Variants in STK36 observed in about 807,000 individuals in gnomAD.
STK36 encodes the protein serine/threonine-protein kinase 36.
In STK36, 116 loss-of-function variants were observed where a neutral mutation model predicts 142.2. The ratio of observed to expected loss-of-function variants is 0.82; its 90% CI spans 0.70 to 0.95. The LOEUF is 0.95. Among genes scored for constraint, STK36 ranks in the 40% least tolerant of loss-of-function variants. The probability of loss-of-function intolerance (pLI) is 0.00; values close to 1 mark genes in which losing one functional copy is unlikely to be tolerated. For synonymous variants in STK36, 619 were observed against 641.7 expected (o/e 0.96, Z 0.53); for missense variants, 1,422 against 1,617.2 (o/e 0.88, Z 2.07).
rs370881832 is a variant in STK36, at chr2:218,694,318, C to G, written c.2391C>G (p.Val797=). ...VATLFTHSHV[V]SLVSAAACLL... is the part of the protein sequence containing the mutation. Reference sequence around the variant, plus strand: ...CTCTCTTTACCCATTCGCATGTCGTCTCTCTTGTGGTAAGTTTTTAACCTT... The same window carrying G: ...CTCTCTTTACCCATTCGCATGTCGTGTCTCTTGTGGTAAGTTTTTAACCTT... Residue 797 remains valine, a synonymous_variant, in exon 20 of 27, where the codon GTC becomes GTG. Transcript: ENST00000295709. The surrounding 1 kb of genome is among the most constrained non-coding windows in gnomAD (Gnocchi z 4.4). The G allele has an allele frequency of 3.7e-6, 6 of 1,614,078 alleles. No individual in the cohort carries two copies. The highest frequency in any genetic ancestry group is 5.1e-6 in the Non-Finnish European group (6 of 1,179,892).
intron 24 of STK36, 33 bp from the exon 25 acceptor site, chr2:218,697,821 A>G (rs2106366370): frequency 6.2e-7 from 1 of 1,614,034 alleles, no homozygotes; most frequent in South Asian, 1.1e-5. Flanking sequence ...TTAAGTGAAC[A>G]AGACCAAGTC....
In STK36 at chr2:218,701,982, C is replaced by T. The variant is rs760323566; in HGVS notation, c.3921C>T (p.His1307=). The change falls in exon 27 of 27, where the codon CAC becomes CAT. Residue 1307 remains histidine (H), a synonymous_variant. Transcript: ENST00000295709. ...CCAAACACTGCAGGAAACTCATTCA[C>T]CTCCTGAGGCCAGCCCATAGCATGT... ...ASAKHCRKLI[H]LLRPAHSM is the part of the protein sequence containing the mutation. 16 of 1,614,154 alleles carry T rather than the reference C, an allele frequency of 9.9e-6. No homozygotes were observed. Among genetic ancestry groups the T allele is most frequent in the Admixed American group, 6.7e-5 (4 of 60,014 alleles).
At position 218,673,766 on chromosome 2, in the gene STK36, G is replaced by A; in HGVS notation, c.225+1G>A. On this transcript the variant is annotated splice_donor_variant, in intron 3 of 26. Transcript: ENST00000295709. LOFTEE classifies it high-confidence loss of function. ...TGACAGCTTTGAAACTGATAAAGAG[G>A]TGTGCTTTGACAGTTTTGGGCCCTG... is the stretch of plus-strand genomic sequence containing the variant. The A allele has an allele frequency of 6.2e-7, 1 of 1,613,898 alleles. No individual in the cohort carries two copies. The highest frequency in any genetic ancestry group is 8.5e-7 in the Non-Finnish European group (1 of 1,179,828).
Position 218,694,119 on chromosome 2 carries a change from A to G in STK36, c.2336+136A>G. 1.7e-6 allele frequency: 2 copies of G among 1,182,068 alleles called. No homozygotes were observed. The highest frequency in any genetic ancestry group is 2.5e-6 in the Non-Finnish European group (2 of 797,752). The allele number at this position is 1,182,068 out of a possible 1,614,324, so 73.2% of individuals were successfully genotyped here. On this transcript the variant is annotated intron_variant, in intron 19 of 26. Transcript: ENST00000295709. This position sits in a 1 kb window ranked among gnomAD's most constrained non-coding sequence, Gnocchi z 4.4. Reference sequence around the variant, plus strand: ...TAGAGAGCGTGAAGCTTTCTCTACAAAGAACAGACCTAGACTCCCATCAAC... The same window carrying G: ...TAGAGAGCGTGAAGCTTTCTCTACAGAGAACAGACCTAGACTCCCATCAAC...
intron 7 of STK36, 43 bp downstream of exon 7, chr2:218,679,304 T>C: frequency 6.3e-7 from 1 of 1,575,316 alleles, no homozygotes; most frequent in Non-Finnish European, 8.7e-7. Context: ...TTCCCAGTAC[T>C]TCCTCTAAAC....
At position 218,701,360 on chromosome 2, in the gene STK36, T is replaced by G. The variant is rs564658633; in HGVS notation, c.3805-506T>G. Among the ~76,000 whole-genome samples the G allele has an allele frequency of 3.9e-5, 6 of 151,952 alleles. No individual in the cohort carries two copies. The South Asian group carries it at 1.2e-3, about 32-fold the overall frequency. On this transcript the variant is annotated intron_variant, in intron 26 of 26. Coordinates refer to ENST00000295709, the MANE Select transcript of STK36 (RefSeq NM_015690.5). ...TTTCACCGTGATAGCCAGGATGGTC[T>G]CGATGTCCTGACCTCGTGACCCGCC... is the stretch of plus-strand genomic sequence containing the variant.
At chr2:218,699,570 A>C (rs925794597) in intron 26 of STK36, among the ~76,000 whole-genome samples, 1 of 152,120 alleles carries the variant, frequency 6.6e-6, no homozygotes, top group Non-Finnish European at 1.5e-5. Context: ...AATGTCTGAG[A>C]TCTCAAGGAC....
Position 218,673,697 on chromosome 2 carries a change from G to T in STK36, c.157G>T (p.Glu53Ter), listed in dbSNP as rs752655945. 1.2e-6 allele frequency: 2 copies of T among 1,614,194 alleles called. No homozygotes were observed. The highest frequency in any genetic ancestry group is 2.2e-5 in the South Asian group (2 of 91,082). Reference sequence around the variant, plus strand: ...GCTGAGGAATTTGCAACGAGAGATTGAAATAATGCGGGGTCTGCGGCATCC... The same window carrying T: ...GCTGAGGAATTTGCAACGAGAGATTTAAATAATGCGGGGTCTGCGGCATCC... Reference protein sequence around the residue: ...KELRNLQREIEIMRGLRHPNI... With the variant: ...KELRNLQREI The change falls in exon 3 of 27, where the codon GAA (glutamate) becomes TAA (stop). Residue 53 changes from glutamate to a stop codon, truncating the protein, a stop_gained. Coordinates refer to ENST00000295709, the MANE Select transcript of STK36 (RefSeq NM_015690.5). LOFTEE classifies it high-confidence loss of function.
chr2:218,686,059 C>T (rs1360962803), intron 11 of STK36, among the ~76,000 whole-genome samples: 1 of 151,840 alleles, frequency 6.6e-6, no homozygotes, highest in Non-Finnish European at 1.5e-5. Flanking sequence ...CTGCCTCAGC[C>T]TCTGGAGTGA....
At chr2:218,690,067 A>G (rs1940936612) in intron 13 of STK36, 111 bp downstream of exon 13, 1 of 1,066,548 alleles carries the variant, frequency 9.4e-7, no homozygotes, top group Non-Finnish European at 1.4e-6. Context: ...GATTTGTTAC[A>G]GGTTTAGGAA....
rs1037637986 is a variant in STK36, at chr2:218,698,728, A to G, written c.3184A>G (p.Ile1062Val). Reference sequence around the variant, plus strand: ...CACAGTGTCTGCCTCCCCTAGAACCATCGTCTCGTTTCTCTCAGTTGCCCT... The same window carrying G: ...CACAGTGTCTGCCTCCCCTAGAACCGTCGTCTCGTTTCTCTCAGTTGCCCT... ...VNTVSASPRT[I>V]VSFLSVALLS... Residue 1062 changes from isoleucine (I) to valine (V), a missense_variant, in exon 26 of 27, where the codon ATC becomes GTC. Coordinates refer to ENST00000295709, the MANE Select transcript of STK36 (RefSeq NM_015690.5). 2 of 1,613,958 alleles carry G rather than the reference A, an allele frequency of 1.2e-6. No homozygotes were observed. The highest frequency in any genetic ancestry group is 1.3e-5 in the African/African-American group (1 of 74,868).
At chr2:218,690,348 C>T in intron 13 of STK36, 102 bp from the exon 14 acceptor site, 1 of 901,008 alleles carries the variant, frequency 1.1e-6, no homozygotes, top group East Asian at 2.4e-5. Flanking sequence ...TCTGATGTGT[C>T]CCTTTGCAGA....
chr2:218,688,749 T>C lies in STK36; in HGVS notation c.1433T>C (p.Val478Ala). ...TCCCACATCCTGCCTGCATTCCGGG[T>C]CCTGAGCAGTCTTCTCTCCAGCTGC... ...GASHILPAFR[V>A]LSSLLSSCSD... The change falls in exon 12 of 27, where the codon GTC (valine) becomes GCC (alanine). Residue 478 changes from valine to alanine, a missense_variant. By Grantham distance (64) the Val-to-Ala change is moderately conservative (BLOSUM62 0). Coordinates refer to ENST00000295709, the MANE Select transcript of STK36 (RefSeq NM_015690.5). The C allele has an allele frequency of 6.2e-7, 1 of 1,614,128 alleles. No individual in the cohort carries two copies.
At chr2:218,699,591 C>G (rs1203930909) in intron 26 of STK36, among the ~76,000 whole-genome samples, 1 of 152,128 alleles carries the variant, frequency 6.6e-6, no homozygotes, top group African/African-American at 2.4e-5. Context: ...CACAGTTGAT[C>G]TCTTCTAGAG....
intron 21 of STK36, among the ~76,000 whole-genome samples, chr2:218,695,206 C>A (rs1575140802): frequency 6.9e-6 from 1 of 145,446 alleles, no homozygotes; most frequent in Non-Finnish European, 1.5e-5. Context: ...ACTTTATAAT[C>A]AAATTATTGT....
At chr2:218,676,374 G>T (rs1940246926) in intron 6 of STK36, 96 bp downstream of exon 6, 1 of 1,470,070 alleles carries the variant, frequency 6.8e-7, no homozygotes, top group East Asian at 2.4e-5. Flanking sequence ...AGCTGAGGCG[G>T]GACTTTGCAG....
rs1382508255 is a variant in STK36 at position 218,694,217 on chromosome 2, A to G, written c.2337-47A>G. 1.3e-6 allele frequency: 2 copies of G among 1,535,650 alleles called. No homozygotes were observed. Among genetic ancestry groups the G allele is most frequent in the East Asian group, 2.2e-5 (1 of 44,514 alleles). The stretch of plus-strand genomic sequence containing the variant: ...AAGGGAGAGGGGAGGCCGCTTACCA[A>G]CCTCCTTTAATACTGCTGCATCCCT... On this transcript the variant is annotated intron_variant, in intron 19 of 26. Transcript: ENST00000295709. The surrounding 1 kb of genome is among the most constrained non-coding windows in gnomAD (Gnocchi z 4.4).
At position 218,694,585 on chromosome 2, in the gene STK36, C is replaced by T. The variant is rs1318368539; in HGVS notation, c.2461C>T (p.Pro821Ser). 6.2e-7 allele frequency: 1 copy of T among 1,614,228 alleles called. No homozygotes were observed. The highest frequency in any genetic ancestry group is 1.1e-5 in the South Asian group (1 of 91,088). The change falls in exon 21 of 27, where the codon CCC (proline) becomes TCC (serine). Residue 821 changes from proline to serine, a missense_variant. Transcript: ENST00000295709. The surrounding 1 kb of genome is among the most constrained non-coding windows in gnomAD (Gnocchi z 4.4). ...GCAAGGGGTGACCTTTGACCTCCAG[C>T]CCATGGAATGGATGGCTGCAGCCAC... is the stretch of plus-strand genomic sequence containing the variant. ...GQQGVTFDLQ[P>S]MEWMAAATHA...
intron 10 of STK36, among the ~76,000 whole-genome samples, chr2:218,682,789 C>T (rs1263765296): frequency 2.0e-5 from 3 of 151,936 alleles, no homozygotes; most frequent in African/African-American, 7.3e-5. Flanking sequence ...GAGAAGGTTT[C>T]GCCATCTTGT....
Sources: allele counts gnomAD v4.1 joint callset (sites outside exome capture counted in the v4.1 genomes callset), GRCh38; gene constraint gnomAD v4.1.1; non-coding constraint Gnocchi (gnomAD v3.1); transcripts MANE v1.5; gene names NCBI Gene and HGNC (gene_info 2026-07-23, HGNC 2026-07-21).